BANK1: variants seen among roughly 807,000 people sequenced by gnomAD.
BANK1 encodes B-cell scaffold protein with ankyrin repeats.
A neutral mutation model predicts 94.5 loss-of-function variants in BANK1; 95 were observed. The observed-to-expected ratio is 1.00, with a 90% CI of 0.85 to 1.19. The LOEUF (loss-of-function observed/expected upper bound fraction) is 1.19, where lower values mean the gene tolerates loss of function less well. Ranked by LOEUF, BANK1 falls within the 50% of genes most tolerant of loss-of-function variation. The pLI is 0.00. For missense variants in BANK1, 987 were observed against 932.2 expected (o/e 1.06, Z -0.77); for synonymous variants, 334 against 308.4 (o/e 1.08, Z -0.87).
intron 4 of BANK1, among the ~76,000 whole-genome samples, chr4:101,869,487 A>G (rs1372298339): frequency 6.6e-6 from 1 of 151,956 alleles, no homozygotes; most frequent in Non-Finnish European, 1.5e-5. Flanking sequence ...CTCAAGAAAT[A>G]TGAGGAAGAA....
chr4:101,832,555 T>G (rs1435988370), intron 2 of BANK1, among the ~76,000 whole-genome samples: 1 of 152,176 alleles, frequency 6.6e-6, no homozygotes, highest in Non-Finnish European at 1.5e-5. Flanking sequence ...TTTCATGAGT[T>G]TCTCTTTCTC....
intron 10 of BANK1, among the ~76,000 whole-genome samples, chr4:102,040,698 TA>T: frequency 6.6e-6 from 1 of 152,182 alleles, no homozygotes; most frequent in East Asian, 1.9e-4. Flanking sequence ...CCCCAGGTTA[TA>T]AATAATATTT....
At chr4:102,046,566 C>G (rs1313758989) in intron 11 of BANK1, among the ~76,000 whole-genome samples, 1 of 152,050 alleles carries the variant, frequency 6.6e-6, no homozygotes, top group Non-Finnish European at 1.5e-5. Flanking sequence ...TTTGATTCCT[C>G]CAAAGAAAGG....
intron 7 of BANK1, among the ~76,000 whole-genome samples, chr4:101,976,287 G>C (rs931278942): frequency 6.6e-6 from 1 of 152,158 alleles, no homozygotes; most frequent in Non-Finnish European, 1.5e-5. Flanking sequence ...TGAGAGTAGG[G>C]GTTAGGTTTC....
At chr4:102,053,284 A>G (rs1377667466) in intron 11 of BANK1, among the ~76,000 whole-genome samples, 3 of 152,190 alleles carry the variant, frequency 2.0e-5, no homozygotes, top group Non-Finnish European at 4.4e-5. Context: ...GCTCACTATG[A>G]GACAGGAAAA....
intron 2 of BANK1, among the ~76,000 whole-genome samples, chr4:101,840,201 C>T (rs1357305821): frequency 1.3e-5 from 2 of 151,058 alleles, no homozygotes; most frequent in Non-Finnish European, 3.0e-5. Context: ...ATCTCCTGAC[C>T]TCGTGATCCG....
intron 7 of BANK1, among the ~76,000 whole-genome samples, chr4:101,969,913 A>G (rs1724896780): frequency 6.6e-6 from 1 of 152,154 alleles, no homozygotes; most frequent in African/African-American, 2.4e-5. Flanking sequence ...TTATTTTCCA[A>G]TGAAGGCTTC....
At chr4:101,818,143 T>C (rs1725992297) in intron 1 of BANK1, among the ~76,000 whole-genome samples, 1 of 152,224 alleles carries the variant, frequency 6.6e-6, no homozygotes. Flanking sequence ...CATATAGATA[T>C]GGTCAGTATT....
chr4:101,990,875 G>A (rs888552586), intron 7 of BANK1, among the ~76,000 whole-genome samples: 10 of 152,042 alleles, frequency 6.6e-5, no homozygotes, highest in South Asian at 2.1e-4. Flanking sequence ...AACTCATACC[G>A]TTTTGTGAGG....
At chr4:101,974,011 A>G (rs1725044136) in intron 7 of BANK1, among the ~76,000 whole-genome samples, 1 of 152,094 alleles carries the variant, frequency 6.6e-6, no homozygotes, top group Admixed American at 6.6e-5. Context: ...GGTATTAATT[A>G]TTATTGTTGT....
At chr4:101,960,976 T>C (rs1462444746) in intron 7 of BANK1, among the ~76,000 whole-genome samples, 1 of 152,176 alleles carries the variant, frequency 6.6e-6, no homozygotes, top group Non-Finnish European at 1.5e-5. Flanking sequence ...TACCTCCATC[T>C]TTCTGACTTG....
At chr4:101,790,981 C>A (rs768480017) in intron 1 of BANK1, 31 bp downstream of exon 1, 3 of 1,462,624 alleles carry the variant, frequency 2.1e-6, no homozygotes, top group Admixed American at 2.4e-5. Flanking sequence ...AGGGGCTTGA[C>A]GCCGAGGCCG....
chr4:102,018,732 A>G (rs1726795497), intron 7 of BANK1, among the ~76,000 whole-genome samples: 2 of 152,096 alleles, frequency 1.3e-5, no homozygotes, highest in African/African-American at 4.8e-5. Flanking sequence ...GTGTGTGTCA[A>G]GATAATTTTT....
At chr4:102,011,133 C>T (rs540812068) in intron 7 of BANK1, among the ~76,000 whole-genome samples, 4 of 152,256 alleles carry the variant, frequency 2.6e-5, no homozygotes, top group Non-Finnish European at 4.4e-5. Flanking sequence ...ACCTTACCTT[C>T]GGGAAATGAA....
chr4:102,067,418 T>TTAGA (rs1394652773), intron 13 of BANK1, among the ~76,000 whole-genome samples: 1 of 151,980 alleles, frequency 6.6e-6, no homozygotes, highest in African/African-American at 2.4e-5. Flanking sequence ...GACATATATT[T>TTAGA]TAGATATAAA....
At chr4:101,833,029 G>C (rs545587128) in intron 2 of BANK1, among the ~76,000 whole-genome samples, 8 of 151,710 alleles carry the variant, frequency 5.3e-5, no homozygotes, top group African/African-American at 1.7e-4. Flanking sequence ...GCCCAGGCTG[G>C]AGTGCAATGG....
intron 7 of BANK1, among the ~76,000 whole-genome samples, chr4:101,925,884 A>G (rs1232113989): frequency 6.6e-6 from 1 of 151,778 alleles, no homozygotes; most frequent in Non-Finnish European, 1.5e-5. Flanking sequence ...ATTTCAGAGA[A>G]TGCAAAATTA....
chr4:101,987,071 C>A (rs1725531772), intron 7 of BANK1, among the ~76,000 whole-genome samples: 2 of 149,796 alleles, frequency 1.3e-5, no homozygotes, highest in Admixed American at 1.3e-4. Flanking sequence ...CAATTAGAGA[C>A]AAAAGTATGA....
In BANK1 at chr4:101,936,881, C is replaced by G. The variant is rs146272556; in HGVS notation, c.1206+18692C>G. The stretch of plus-strand genomic sequence containing the variant: ...GTGGGAATGTAGATTAGTACAACCA[C>G]TATGGAGAACAGTTTGGAGGTTCTT... On this transcript the variant is annotated intron_variant, in intron 7 of 16. Transcript: ENST00000322953. Among the ~76,000 whole-genome samples, 1,199 of 151,674 alleles carry G rather than the reference C, an allele frequency of 7.9e-3. 17 individuals carry two copies. Among genetic ancestry groups the G allele is most frequent in the Non-Finnish European group, 1.0e-2 (676 of 67,742 alleles).
Sources: allele counts gnomAD v4.1 joint callset (sites outside exome capture counted in the v4.1 genomes callset), GRCh38; gene constraint gnomAD v4.1.1; transcripts MANE v1.5; gene names NCBI Gene and HGNC (gene_info 2026-07-23, HGNC 2026-07-21).